Variants in TXNDC16 observed in about 807,000 individuals in gnomAD.
TXNDC16 encodes the protein thioredoxin domain containing 16.
In TXNDC16, 74 loss-of-function variants were observed where a neutral mutation model predicts 85.6. The ratio of observed to expected loss-of-function variants is 0.86; its 90% confidence interval spans 0.72 to 1.05. TXNDC16 has a LOEUF of 1.05. TXNDC16 is among the 50% of genes least tolerant of loss of function. The probability of loss-of-function intolerance (pLI) is 0.00; values close to 1 mark genes in which losing one functional copy is unlikely to be tolerated. For missense variants in TXNDC16, 959 were observed against 947.0 expected (o/e 1.01, Z -0.17); for synonymous variants, 335 against 326.5 (o/e 1.03, Z -0.28).
intron 16 of TXNDC16, among the ~76,000 whole-genome samples, chr14:52,459,712 T>A (rs1042671996): frequency 6.6e-6 from 1 of 152,202 alleles, no homozygotes; most frequent in Middle Eastern, 3.2e-3. Flanking sequence ...AAAAAGCTAA[T>A]CTACCACAAT....
rs1217560850 is a variant in TXNDC16, at chr14:52,488,813, G to A, written c.985-327C>T. Among the ~76,000 whole-genome samples the A allele has an allele frequency of 6.6e-5, 9 of 135,588 alleles. No individual in the cohort carries two copies. The South Asian group carries it at 7.3e-4, about 11-fold the overall frequency. 89.0% of individuals were successfully genotyped at this position (135,588 alleles called of 152,430 possible). On this transcript the variant is annotated intron_variant, in intron 11 of 20. Transcript: ENST00000281741. ...TGCACCACCACACTCCAGCCTGGGC[G>A]ACAAGGCGAGACTCTGGGAAAAAAA...
At chr14:52,526,140 T>A (rs1594753758) in intron 6 of TXNDC16, among the ~76,000 whole-genome samples, 1 of 152,304 alleles carries the variant, frequency 6.6e-6, no homozygotes, top group Middle Eastern at 3.4e-3. Context: ...AGTAAAATTT[T>A]CCTCACATAG....
intron 6 of TXNDC16, among the ~76,000 whole-genome samples, chr14:52,525,574 T>C (rs2037311031): frequency 1.3e-5 from 2 of 150,912 alleles, no homozygotes; most frequent in South Asian, 4.2e-4. Flanking sequence ...GGCGCATGCC[T>C]GTAATCCCAG....
At chr14:52,471,774 A>G (rs2035913607) in intron 14 of TXNDC16, among the ~76,000 whole-genome samples, 1 of 151,920 alleles carries the variant, frequency 6.6e-6, no homozygotes, top group East Asian at 1.9e-4. Flanking sequence ...ATTTCTTTTC[A>G]GCCTAAGAAA....
chr14:52,487,200 T>C (rs1288346442), intron 12 of TXNDC16, among the ~76,000 whole-genome samples: 2 of 152,194 alleles, frequency 1.3e-5, no homozygotes, highest in Admixed American at 6.5e-5. Flanking sequence ...GGTCTGCTTA[T>C]GTAATGACAA....
chr14:52,470,156 G>A lies in TXNDC16; in HGVS notation c.1499C>T (p.Pro500Leu). Residue 500 changes from proline to leucine, a missense_variant, in exon 16 of 21, where the codon CCA becomes CTA. Pro to Leu is a moderately conservative substitution (Grantham distance 98, BLOSUM62 -3). Coordinates refer to ENST00000281741, the MANE Select transcript of TXNDC16 (RefSeq NM_020784.3). ...TTCTTGGATCGATGTTATATTCACT[G>A]GATATGAAATCCTGTTGCTGGATAA... ...KFIQLNRISYPVNITSIQEAE... is the reference protein window; with the variant it reads ...KFIQLNRISYLVNITSIQEAE... 1.9e-6 allele frequency: 3 copies of A among 1,601,362 alleles called. No individual in the cohort carries two copies. Among genetic ancestry groups the A allele is most frequent in the Non-Finnish European group, 2.6e-6 (3 of 1,174,260 alleles).
intron 13 of TXNDC16, among the ~76,000 whole-genome samples, 200 bp downstream of exon 13, chr14:52,482,622 A>G (rs1304794927): frequency 1.3e-5 from 2 of 152,178 alleles, no homozygotes; most frequent in Non-Finnish European, 2.9e-5. Context: ...TAGTTTAATC[A>G]TTCACCTTTA....
chr14:52,506,803 G>T (rs1240405265), intron 9 of TXNDC16, among the ~76,000 whole-genome samples: 3 of 144,050 alleles, frequency 2.1e-5, no homozygotes, highest in Non-Finnish European at 4.5e-5. Context: ...TGATCCACCC[G>T]CCTCGGCCTC....
chr14:52,544,242 T>A (rs1395609452), intron 2 of TXNDC16, 22 bp downstream of exon 2: 2 of 152,156 alleles, frequency 1.3e-5, no homozygotes, highest in African/African-American at 2.4e-5. Flanking sequence ...CCTCCTCTTA[T>A]CTTCTTTCTT....
intron 11 of TXNDC16, among the ~76,000 whole-genome samples, chr14:52,488,831 G>GAAAAAAAAAAAAA (rs199871075): frequency 1.0e-4 from 9 of 90,000 alleles, no homozygotes; most frequent in African/African-American, 2.8e-4. Context: ...GAGACTCTGG[G>GAAAAAAAAAAAAA]AAAAAAAAAA....
chr14:52,513,648 CTGTGTGTG>C (rs10533128), intron 8 of TXNDC16, among the ~76,000 whole-genome samples: 1 of 148,396 alleles, frequency 6.7e-6, no homozygotes, highest in African/African-American at 2.5e-5. Flanking sequence ...TATACATATT[CTGTGTGTG>C]TGTGTGTGTA....
At chr14:52,511,078 C>T (rs541815857) in intron 9 of TXNDC16, among the ~76,000 whole-genome samples, 162 bp downstream of exon 9, 87 of 151,886 alleles carry the variant, frequency 5.7e-4, no homozygotes, top group African/African-American at 7.2e-5. Flanking sequence ...TTCCTAAATC[C>T]CTCAAAATGA....
At chr14:52,440,460 A>C (rs1249222531) in intron 19 of TXNDC16, 104 bp downstream of exon 19, 36 of 978,350 alleles carry the variant, frequency 3.7e-5, no homozygotes, top group Non-Finnish European at 4.8e-5. Flanking sequence ...ATTTGGTTCC[A>C]TAAAATTAAC....
At chr14:52,445,383 C>A (rs2035257265) in intron 18 of TXNDC16, among the ~76,000 whole-genome samples, 1 of 152,102 alleles carries the variant, frequency 6.6e-6, no homozygotes, top group Non-Finnish European at 1.5e-5. Context: ...AGACTGCAGT[C>A]CCTTAGTTGA....
intron 6 of TXNDC16, among the ~76,000 whole-genome samples, chr14:52,530,048 T>C (rs1188875576): frequency 1.1e-5 from 1 of 89,626 alleles, no homozygotes; most frequent in Non-Finnish European, 1.9e-5. Context: ...ATGTAATTTA[T>C]TTATACATTA....
intron 16 of TXNDC16, among the ~76,000 whole-genome samples, chr14:52,465,753 A>T (rs998569351): frequency 6.6e-6 from 1 of 152,226 alleles, no homozygotes; most frequent in Admixed American, 6.5e-5. Context: ...CTGTGAAGCA[A>T]GAGATAAATA....
Position 52,470,527 on chromosome 14 carries a change from A to C in TXNDC16, c.1466T>G (p.Leu489Arg). Residue 489 changes from leucine (L) to arginine (R), a missense_variant, in exon 15 of 21, where the codon CTA (leucine) becomes CGA (arginine). Transcript: ENST00000281741. ...YAGMLGTEDL[L>R]KFIQLNRISY... ...GAATACTTACAGCTGGATAAATTTT[A>C]GGAGATCTTCGGTTCCTAACATTCC... is the stretch of plus-strand genomic sequence containing the variant. The C allele has an allele frequency of 1.2e-6, 2 of 1,612,782 alleles. No individual in the cohort carries two copies. The highest frequency in any genetic ancestry group is 8.5e-7 in the Non-Finnish European group (1 of 1,179,530).
chr14:52,467,591 A>T (rs1009093197), intron 16 of TXNDC16, among the ~76,000 whole-genome samples: 1 of 152,288 alleles, frequency 6.6e-6, no homozygotes, highest in African/African-American at 2.4e-5. Flanking sequence ...AAATAAAATA[A>T]AATAACGAAT....
chr14:52,442,833 T>C (rs1216130977), intron 18 of TXNDC16, among the ~76,000 whole-genome samples: 1 of 152,240 alleles, frequency 6.6e-6, no homozygotes, highest in Non-Finnish European at 1.5e-5. Flanking sequence ...CAAGATGTTA[T>C]GCTGGGTGCT....
Sources: allele counts gnomAD v4.1 joint callset (sites outside exome capture counted in the v4.1 genomes callset), GRCh38; gene constraint gnomAD v4.1.1; transcripts MANE v1.5; gene names NCBI Gene and HGNC (gene_info 2026-07-23, HGNC 2026-07-21).